The following ARHGAP4 variants were observed in gnomAD, a reference collection of about 807,000 sequenced individuals.
The protein encoded by ARHGAP4 is rho GTPase-activating protein 4.
A neutral mutation model predicts 67.6 loss-of-function variants in ARHGAP4; 25 were observed. The ratio of observed to expected loss-of-function variants is 0.37; its 90% confidence interval spans 0.27 to 0.52. The LOEUF is 0.52. Among genes scored for constraint, ARHGAP4 ranks in the 20% least tolerant of loss-of-function variants. The probability of loss-of-function intolerance (pLI) is 0.92; values close to 1 mark genes in which losing one functional copy is unlikely to be tolerated. For missense variants in ARHGAP4, 804 were observed against 854.6 expected (o/e 0.94, Z 0.74); for synonymous variants, 448 against 373.7 (o/e 1.20, Z -2.29).
At chrX:153,908,897 T>C (rs2064993677) in intron 21 of ARHGAP4, among the ~76,000 whole-genome samples, 173 bp downstream of exon 21, 1 of 112,219 alleles carries the variant, frequency 8.9e-6, no homozygotes, top group South Asian at 3.7e-4. Flanking sequence ...ATCTTTGCCT[T>C]CCTGCCCTCC....
intron 7 of ARHGAP4, among the ~76,000 whole-genome samples, chrX:153,914,793 C>T (rs1262524883): frequency 4.5e-5 from 5 of 112,052 alleles, no homozygotes; most frequent in Non-Finnish European, 5.6e-5. Context: ...AAGGAGTGGA[C>T]GGAAAAACTG....
rs41311386 is a variant in ARHGAP4, at chrX:153,919,043, G to A, written c.821C>T (p.Thr274Ile). 1 of 1,211,443 alleles carries A rather than the reference G, an allele frequency of 8.3e-7. No homozygotes were observed. ...DVLDLMDCCD[T>I]GFHLALGQVL... ...CTGCCCCAGGGCCAGGTGGAACCCT[G>A]TGTCACAGCACTGAGGAGGAAACAA... Residue 274 changes from threonine (T) to isoleucine (I), a missense_variant, in exon 7 of 22, where the codon ACA becomes ATA. By Grantham distance (89) the Thr-to-Ile change is moderately conservative. This residue lies in a region of ARHGAP4 where 404 missense variants were observed against 505.9 expected (regional missense o/e 0.80). Transcript: ENST00000350060.
Position 153,919,027 on chromosome X carries a change from G to A in ARHGAP4, c.837C>T (p.Ala279=). 1 of 1,211,419 alleles carries A rather than the reference G, an allele frequency of 8.3e-7. No individual in the cohort carries two copies. The highest frequency in any genetic ancestry group is 2.2e-5 in the Admixed American group (1 of 46,040). ...MDCCDTGFHL[A]LGQVLRSYTA... Reference sequence around the variant, plus strand: ...TGTAGCTCCGGAGCACCTGCCCCAGGGCCAGGTGGAACCCTGTGTCACAGC... The same window carrying A: ...TGTAGCTCCGGAGCACCTGCCCCAGAGCCAGGTGGAACCCTGTGTCACAGC... Residue 279 remains alanine, a synonymous_variant, in exon 7 of 22, where the codon GCC becomes GCT. Coordinates refer to ENST00000350060, the MANE Select transcript of ARHGAP4 (RefSeq NM_001666.5).
At chrX:153,918,601 G>A (rs1360469610) in intron 7 of ARHGAP4, among the ~76,000 whole-genome samples, 2 of 112,870 alleles carry the variant, frequency 1.8e-5, no homozygotes, top group Admixed American at 9.3e-5. Context: ...GCAGCTACAC[G>A]GCTGCCTGCT....
chrX:153,917,246 T>A (rs1343939033), intron 7 of ARHGAP4, among the ~76,000 whole-genome samples: 2 of 105,893 alleles, frequency 1.9e-5, no homozygotes, highest in Non-Finnish European at 3.9e-5. Flanking sequence ...AAATTAAATT[T>A]AAAAAATTAA....
chrX:153,910,687 G>T lies in ARHGAP4; in HGVS notation c.1816+13C>A. ...AAGTGCCCTACCCCGCCAGCCTCAG[G>T]CCCCAGCCTCACCCGAAGAAGCCAG... On this transcript the variant is annotated intron_variant, in intron 15 of 21. Coordinates refer to ENST00000350060, the MANE Select transcript of ARHGAP4 (RefSeq NM_001666.5). The T allele has an allele frequency of 8.4e-7, 1 of 1,192,394 alleles. No homozygotes were observed. Among genetic ancestry groups the T allele is most frequent in the Non-Finnish European group, 1.1e-6 (1 of 885,590 alleles).
At position 153,907,679 on chromosome X, in the gene ARHGAP4, G is replaced by GC; in HGVS notation, c.*49dup. 2 of 661,624 alleles carry GC rather than the reference G, an allele frequency of 3.0e-6. No individual in the cohort carries two copies. Among genetic ancestry groups the GC allele is most frequent in the Non-Finnish European group, 4.2e-6 (2 of 476,568 alleles). The allele number at this position is 661,624 out of a possible 1,213,427, so 54.5% of individuals were successfully genotyped here. The stretch of plus-strand genomic sequence containing the variant: ...AGAAGCAAGGGGGCTGGGGAGAGTG[G>GC]CCGGTCCAGCGGGTAGCCGCCGGGG... On this transcript the variant is annotated 3_prime_UTR_variant, in exon 22 of 22. Coordinates refer to ENST00000350060, the MANE Select transcript of ARHGAP4 (RefSeq NM_001666.5).
intron 21 of ARHGAP4, 35 bp from the exon 22 acceptor site, chrX:153,907,997 G>A: frequency 8.9e-7 from 1 of 1,123,484 alleles, no homozygotes; most frequent in Non-Finnish European, 1.2e-6. Context: ...AGTGACCAGT[G>A]AGTTCCCCCG....
At chrX:153,923,605 C>T (rs1188246534) in intron 1 of ARHGAP4, among the ~76,000 whole-genome samples, 2 of 112,364 alleles carry the variant, frequency 1.8e-5, no homozygotes, top group East Asian at 2.8e-4. Flanking sequence ...GCCTGGGGCA[C>T]GGGACCTCCC....
chrX:153,907,444 C>T lies in ARHGAP4; in HGVS notation c.*285G>A, dbSNP rs1291257842. Reference sequence around the variant, plus strand: ...TGCCAGGCATCTGAGCAAGGGTACCCGCCACCCAGCAGCCACTGATCAGCC... The same window carrying T: ...TGCCAGGCATCTGAGCAAGGGTACCTGCCACCCAGCAGCCACTGATCAGCC... On this transcript the variant is annotated 3_prime_UTR_variant, in exon 22 of 22. Coordinates refer to ENST00000350060, the MANE Select transcript of ARHGAP4 (RefSeq NM_001666.5). The T allele has an allele frequency of 3.0e-5, 10 of 337,499 alleles. No individual in the cohort carries two copies. The highest frequency in any genetic ancestry group is 1.1e-4 in the East Asian group (2 of 18,774). The allele number at this position is 337,499 out of a possible 1,213,427, so 27.8% of individuals were successfully genotyped here. A position where few individuals can be genotyped will look rare whatever the true frequency, so the allele number is the denominator to read the frequency against.
At chrX:153,909,028 C>G in intron 21 of ARHGAP4, 42 bp downstream of exon 21, 2 of 1,173,879 alleles carry the variant, frequency 1.7e-6, no homozygotes, top group Non-Finnish European at 2.3e-6. Context: ...GCAGAGATCC[C>G]CCAGGACAGA....
intron 5 of ARHGAP4, chrX:153,919,666 A>C: frequency 8.6e-7 from 1 of 1,165,025 alleles, no homozygotes; most frequent in Non-Finnish European, 1.1e-6. Context: ...AAGCGGCCAC[A>C]GGCCTCTGCG....
rs2065080329 is a variant in ARHGAP4 at position 153,919,782 on chromosome X, TTTTTTTTTTA to T, written c.682-509_682-500del. On this transcript the variant is annotated intron_variant, in intron 5 of 21. Transcript: ENST00000350060. ...CCTGGGTTCTAAAACTGGCACTCTA[TTTTTTTTTTA>T]TTTTTTTTTTTTGAGACAGAGTCTC... The T allele has an allele frequency of 6.9e-6, 5 of 725,866 alleles. No homozygotes were observed. In the South Asian group the frequency reaches 1.4e-4, roughly 21 times the overall value. 59.8% of individuals were successfully genotyped at this position (725,866 alleles called of 1,213,427 possible).
rs369578419 is a variant in ARHGAP4 at position 153,910,573 on chromosome X, G to A, written c.1855C>T (p.Arg619Cys). The change falls in exon 16 of 22, where the codon CGC becomes TGC. Residue 619 changes from arginine (R) to cysteine (C), a missense_variant. Around this residue, in one of 2 missense-constraint regions of ARHGAP4, gnomAD observed 400 missense variants for 348.7 expected, o/e 1.15. Transcript: ENST00000350060. ...ATAERVEHVS[R>C]LLWRLPAPVL... Reference sequence around the variant, plus strand: ...GGCGCGGGCAGCCGCCACAGCAGGCGGCTCACGTGCTCCACCCTCTCCGCT... The same window carrying A: ...GGCGCGGGCAGCCGCCACAGCAGGCAGCTCACGTGCTCCACCCTCTCCGCT... 1.2e-5 allele frequency: 14 copies of A among 1,206,716 alleles called. No homozygotes were observed. Among genetic ancestry groups the A allele is most frequent in the South Asian group, 3.5e-5 (2 of 56,637 alleles).
At chrX:153,919,860 C>A (rs1377163116) in intron 5 of ARHGAP4, among the ~76,000 whole-genome samples, 1 of 108,962 alleles carries the variant, frequency 9.2e-6, no homozygotes, top group Non-Finnish European at 1.9e-5. Flanking sequence ...AATCTTAGAT[C>A]ACTGCAACCT....
intron 7 of ARHGAP4, among the ~76,000 whole-genome samples, chrX:153,915,174 A>T (rs782238537): frequency 1.3e-4 from 14 of 109,023 alleles, no homozygotes; most frequent in South Asian, 4.2e-4. Context: ...AGGGGCCTCA[A>T]AGGAGAGCCG....
chrX:153,917,616 C>T (rs1432582249), intron 7 of ARHGAP4, among the ~76,000 whole-genome samples: 3 of 110,940 alleles, frequency 2.7e-5, no homozygotes, highest in Non-Finnish European at 3.8e-5. Flanking sequence ...ATTAGCCTGG[C>T]GTTGTAGTGC....
intron 19 of ARHGAP4, 88 bp downstream of exon 19, chrX:153,909,653 A>AC: frequency 9.5e-7 from 1 of 1,048,404 alleles, no homozygotes; most frequent in African/African-American, 2.0e-5. Flanking sequence ...CCCAGCCCAG[A>AC]CCTTCAGAAT....
chrX:153,917,732 CAG>C (rs782484836), intron 7 of ARHGAP4, among the ~76,000 whole-genome samples: 1 of 112,423 alleles, frequency 8.9e-6, no homozygotes, highest in South Asian at 3.6e-4. Flanking sequence ...GCCGAGGGGA[CAG>C]AGTGAGACCC....
Sources: allele counts gnomAD v4.1 joint callset (sites outside exome capture counted in the v4.1 genomes callset), GRCh38; gene constraint gnomAD v4.1.1; regional missense constraint gnomAD v4.1.1; transcripts MANE v1.5; gene names NCBI Gene and HGNC (gene_info 2026-07-23, HGNC 2026-07-21).